The following MMP20 variants were observed in gnomAD, a reference collection of about 807,000 sequenced individuals.
The protein encoded by MMP20 is matrix metalloproteinase-20.
MMP20 carries 50 observed loss-of-function variants against 51.8 expected under a neutral mutation model. The ratio of observed to expected loss-of-function variants is 0.97; its 90% CI spans 0.77 to 1.22. The LOEUF (loss-of-function observed/expected upper bound fraction) is 1.22. Ranked by LOEUF, MMP20 falls within the 50% of genes most tolerant of loss-of-function variation. The pLI, the probability that MMP20 is intolerant of heterozygous loss-of-function variation, is 0.00. For missense variants in MMP20, 663 were observed against 601.4 expected, an observed-to-expected ratio of 1.10 and a Z score of -1.07; for synonymous variants, 244 against 216.2, an observed-to-expected ratio of 1.13 and a Z score of -1.13.
chr11:102,625,227 G>A lies in MMP20; in HGVS notation c.93C>T (p.Pro31=). Reference sequence around the variant, plus strand: ...GGCGGTAGTTGTTCCTCCAGGTCCTGGGGGAGGCTGCAACTAGGGAGGGGG... The same window carrying A: ...GGCGGTAGTTGTTCCTCCAGGTCCTAGGGGAGGCTGCAACTAGGGAGGGGG... ...TAAPSLVAAS[P]RTWRNNYRLA... The change falls in exon 1 of 10, where the codon CCC becomes CCT. Residue 31 remains proline, a synonymous_variant. Transcript: ENST00000260228. 6.2e-7 allele frequency: 1 copy of A among 1,613,910 alleles called. No individual in the cohort carries two copies. The highest frequency in any genetic ancestry group is 1.1e-5 in the South Asian group (1 of 91,066).
chr11:102,596,535 G>A (rs540153316), intron 6 of MMP20, among the ~76,000 whole-genome samples: 3 of 152,182 alleles, frequency 2.0e-5, no homozygotes, highest in African/African-American at 7.2e-5. Context: ...AGTTTGAAAA[G>A]GTATTATTTG....
chr11:102,581,889 G>A (rs1257071471), intron 8 of MMP20, among the ~76,000 whole-genome samples: 1 of 152,146 alleles, frequency 6.6e-6, no homozygotes, highest in Admixed American at 6.6e-5. Flanking sequence ...AATTTTTATT[G>A]AGAATCAACT....
intron 6 of MMP20, among the ~76,000 whole-genome samples, chr11:102,597,219 T>G (rs1859391836): frequency 6.6e-6 from 1 of 152,236 alleles, no homozygotes; most frequent in Admixed American, 6.5e-5. Context: ...TGCATTTTCT[T>G]GCATTTCTCA....
chr11:102,614,791 G>C (rs1859646493), intron 2 of MMP20, among the ~76,000 whole-genome samples: 1 of 113,700 alleles, frequency 8.8e-6, no homozygotes, highest in African/African-American at 3.2e-5. Flanking sequence ...TTAACAAGTG[G>C]CTCTACAAGG....
chr11:102,579,916 C>A (rs1374593807), intron 8 of MMP20, among the ~76,000 whole-genome samples: 1 of 152,144 alleles, frequency 6.6e-6, no homozygotes, highest in Non-Finnish European at 1.5e-5. Context: ...GAAAGCCTTT[C>A]ATAGGTGCTT....
chr11:102,610,127 G>C (rs536071847), intron 3 of MMP20, 97 bp from the exon 4 acceptor site: 4 of 1,334,212 alleles, frequency 3.0e-6, no homozygotes, highest in Admixed American at 3.8e-5. Context: ...GAGTAGCATT[G>C]ACACTTAAAT....
chr11:102,621,384 C>T (rs1299208132), intron 1 of MMP20, among the ~76,000 whole-genome samples: 12 of 152,198 alleles, frequency 7.9e-5, no homozygotes, highest in Non-Finnish European at 2.9e-5. Context: ...ACTTTTAAAG[C>T]TGTCTGAAAA....
At chr11:102,591,759 C>A (rs767665118) in intron 8 of MMP20, among the ~76,000 whole-genome samples, 2 of 152,166 alleles carry the variant, frequency 1.3e-5, no homozygotes, top group Non-Finnish European at 2.9e-5. Flanking sequence ...TCTCTGGGGG[C>A]AAAGAGCATC....
chr11:102,578,690 C>CG (rs1241667513), intron 9 of MMP20, among the ~76,000 whole-genome samples: 1 of 152,058 alleles, frequency 6.6e-6, no homozygotes, highest in East Asian at 1.9e-4. Flanking sequence ...GAGCAGAGAT[C>CG]GCGCCACTGC....
At chr11:102,602,098 C>T (rs1225994788) in intron 6 of MMP20, among the ~76,000 whole-genome samples, 3 of 145,140 alleles carry the variant, frequency 2.1e-5, no homozygotes, top group Non-Finnish European at 3.0e-5. Context: ...TACAGGCGCC[C>T]ACCACCACGC....
At chr11:102,604,982 G>A (rs1859495620) in intron 6 of MMP20, among the ~76,000 whole-genome samples, 2 of 152,176 alleles carry the variant, frequency 1.3e-5, no homozygotes, top group Non-Finnish European at 2.9e-5. Context: ...TGTGTTATGT[G>A]CCCTCCAAAT....
chr11:102,611,427 C>T (rs1175333833), intron 3 of MMP20, among the ~76,000 whole-genome samples: 1 of 152,212 alleles, frequency 6.6e-6, no homozygotes, highest in Non-Finnish European at 1.5e-5. Flanking sequence ...GTGATAAACA[C>T]TATCATGGGA....
Position 102,609,635 on chromosome 11 carries a change from T to C in MMP20, c.649+270A>G, listed in dbSNP as rs542760521. ...TAAGTAAGAAATCATAAATACTAGG[T>C]TGTTGAAGGAAACGAGAGCAGTGCG... On this transcript the variant is annotated intron_variant, in intron 4 of 9. Transcript: ENST00000260228. Among the ~76,000 whole-genome samples, 4 of 152,294 alleles carry C rather than the reference T, an allele frequency of 2.6e-5. 1 individual carries two copies. The South Asian group carries it at 8.3e-4, about 32-fold the overall frequency.
intron 3 of MMP20, 109 bp downstream of exon 3, chr11:102,611,646 G>T: frequency 7.3e-7 from 1 of 1,371,782 alleles, no homozygotes; most frequent in Non-Finnish European, 1.0e-6. Context: ...GCCCATCACA[G>T]CACTGTGCGA....
At chr11:102,579,188 A>G (rs1304849340) in intron 8 of MMP20, 46 bp from the exon 9 acceptor site, 1 of 1,376,796 alleles carries the variant, frequency 7.3e-7, no homozygotes, top group Non-Finnish European at 1.0e-6. Context: ...AGAGGTTTTT[A>G]CTGGTTGTAG....
intron 8 of MMP20, among the ~76,000 whole-genome samples, chr11:102,589,406 G>C (rs900814271): frequency 1.3e-5 from 2 of 152,132 alleles, no homozygotes; most frequent in Non-Finnish European, 2.9e-5. Flanking sequence ...TTGTATCAGA[G>C]CACTTTTGGC....
intron 8 of MMP20, among the ~76,000 whole-genome samples, chr11:102,587,783 A>G (rs544288573): frequency 6.6e-6 from 1 of 152,124 alleles, no homozygotes; most frequent in South Asian, 2.1e-4. Flanking sequence ...TATGGTTGCT[A>G]TTTGCATGAT....
At chr11:102,590,508 T>C (rs1169907030) in intron 8 of MMP20, among the ~76,000 whole-genome samples, 2 of 152,162 alleles carry the variant, frequency 1.3e-5, no homozygotes, top group South Asian at 2.1e-4. Context: ...GTGGAGGAAG[T>C]TCCTCGGTCA....
At chr11:102,616,076 T>G (rs1213657394) in intron 2 of MMP20, among the ~76,000 whole-genome samples, 2 of 152,082 alleles carry the variant, frequency 1.3e-5, no homozygotes, top group East Asian at 3.9e-4. Context: ...TGGTTGGGTG[T>G]GTCCCCTTGG....
Sources: gnomAD v4.1 joint callset for allele counts (sites outside exome capture counted in the v4.1 genomes callset) on GRCh38, gnomAD v4.1.1 for gene constraint, MANE v1.5 for transcripts, NCBI Gene and HGNC (gene_info 2026-07-23, HGNC 2026-07-21) for gene names.